Variants in VKORC1L1 observed in about 807,000 individuals in gnomAD.
The protein encoded by VKORC1L1 is vitamin K epoxide reductase complex subunit 1L1.
A neutral mutation model predicts 18.9 loss-of-function variants in VKORC1L1; 2 were observed. The ratio of observed to expected loss-of-function variants is 0.11; its 90% CI spans 0.04 to 0.33. VKORC1L1 has a LOEUF of 0.33. Ranked by LOEUF, VKORC1L1 falls within the 10% of genes least tolerant of loss-of-function variation. The pLI is 1.00. For synonymous variants in VKORC1L1, 96 were observed against 100.0 expected (o/e 0.96, Z 0.24); for missense variants, 123 against 224.1 (o/e 0.55, Z 2.88).
rs866579578 is a variant in VKORC1L1 at position 65,958,704 on chromosome 7, T to C, written c.*4404T>C. The C allele has an allele frequency of 1.1e-4, 16 of 152,208 alleles. No homozygotes were observed. Among genetic ancestry groups the C allele is most frequent in the Admixed American group, 3.3e-4 (5 of 15,270 alleles). The allele number at this position is 152,208 out of a possible 1,614,324, so 9.4% of individuals were successfully genotyped here. A position where few individuals can be genotyped will look rare whatever the true frequency, so the allele number is the denominator to read the frequency against. Reference sequence around the variant, plus strand: ...TTGATTCTTTTTCTCTTAAATCATATGTAACTTGCAGAAGATTCAGAGTCC... The same window carrying C: ...TTGATTCTTTTTCTCTTAAATCATACGTAACTTGCAGAAGATTCAGAGTCC... On this transcript the variant is annotated 3_prime_UTR_variant, in exon 3 of 3. Transcript: ENST00000360768.
chr7:65,875,506 C>T (rs1489625629), intron 1 of VKORC1L1, among the ~76,000 whole-genome samples: 1 of 152,056 alleles, frequency 6.6e-6, no homozygotes, highest in African/African-American at 2.4e-5. Flanking sequence ...CAACCTCCAC[C>T]TCCCGGGTTC....
At chr7:65,904,829 A>C (rs1183421826) in intron 1 of VKORC1L1, among the ~76,000 whole-genome samples, 1 of 152,198 alleles carries the variant, frequency 6.6e-6, no homozygotes, top group Non-Finnish European at 1.5e-5. Context: ...AAAATACAAG[A>C]GAAGATAAAA....
rs1788760441 is a variant in VKORC1L1 at position 65,873,297 on chromosome 7, G to GGCCGCGGCA, written c.-73_-72insCGCGGCAGC. On this transcript the variant is annotated 5_prime_UTR_variant, in exon 1 of 3. Transcript: ENST00000360768. Reference sequence around the variant, plus strand: ...CGGAGGCGGCGGTGGCGGCGGTGGCGGCTGGGTCGGGCCCCGACGGGCGGC... The same window carrying GGCCGCGGCA: ...CGGAGGCGGCGGTGGCGGCGGTGGCGGCCGCGGCAGCTGGGTCGGGCCCCGACGGGCGGC... 2 of 1,092,176 alleles carry GGCCGCGGCA rather than the reference G, an allele frequency of 1.8e-6. No individual in the cohort carries two copies. Among genetic ancestry groups the GGCCGCGGCA allele is most frequent in the South Asian group, 3.9e-5 (1 of 25,642 alleles). The allele number at this position is 1,092,176 out of a possible 1,614,324, so 67.7% of individuals were successfully genotyped here.
At chr7:65,907,374 G>T (rs569184003) in intron 1 of VKORC1L1, among the ~76,000 whole-genome samples, 22 of 152,112 alleles carry the variant, frequency 1.4e-4, no homozygotes, top group Non-Finnish European at 2.9e-4. Context: ...GGAGTCGGAG[G>T]TTGCAGTGAG....
intron 1 of VKORC1L1, among the ~76,000 whole-genome samples, chr7:65,890,124 ATTT>A (rs35228954): frequency 1.9e-4 from 17 of 90,458 alleles, no homozygotes; most frequent in South Asian, 4.3e-4. Flanking sequence ...CACCTGGGTA[ATTT>A]TTTTTTTTTT....
chr7:65,920,442 T>C (rs1305280136), intron 1 of VKORC1L1, among the ~76,000 whole-genome samples: 1 of 152,194 alleles, frequency 6.6e-6, no homozygotes, highest in Non-Finnish European at 1.5e-5. Context: ...TGCTGAATGA[T>C]CCTTCTCCTC....
chr7:65,918,788 A>G (rs1789628818), intron 1 of VKORC1L1, among the ~76,000 whole-genome samples: 1 of 152,222 alleles, frequency 6.6e-6, no homozygotes, highest in Non-Finnish European at 1.5e-5. Flanking sequence ...AGGCAAAGGA[A>G]GATTCTTTAA....
In VKORC1L1 at chr7:65,919,335, T is replaced by C. The variant is rs973658440; in HGVS notation, c.195-29336T>C. Among the ~76,000 whole-genome samples the C allele has an allele frequency of 1.2e-4, 18 of 152,200 alleles. 1 individual carries two copies. Among genetic ancestry groups the C allele is most frequent in the Admixed American group, 9.8e-4 (15 of 15,272 alleles). ...CTATATGCTGACCACTCCAAAATTTTTATTTCTAACTTAACTTGCAAATTC... is the reference window on the plus strand; with the variant it reads ...CTATATGCTGACCACTCCAAAATTTCTATTTCTAACTTAACTTGCAAATTC... On this transcript the variant is annotated intron_variant, in intron 1 of 2. Coordinates refer to ENST00000360768, the MANE Select transcript of VKORC1L1 (RefSeq NM_173517.6).
chr7:65,936,844 G>A (rs1365070294), intron 1 of VKORC1L1, among the ~76,000 whole-genome samples: 1 of 152,146 alleles, frequency 6.6e-6, no homozygotes, highest in East Asian at 1.9e-4. Flanking sequence ...ACAGTTCCAT[G>A]TGACTGGCTT....
At chr7:65,908,012 T>G (rs1433162973) in intron 1 of VKORC1L1, among the ~76,000 whole-genome samples, 1 of 152,188 alleles carries the variant, frequency 6.6e-6, no homozygotes, top group African/African-American at 2.4e-5. Context: ...GTCAGATCTG[T>G]TAACTCCTTT....
At chr7:65,933,401 C>T (rs1462701782) in intron 1 of VKORC1L1, among the ~76,000 whole-genome samples, 1 of 152,002 alleles carries the variant, frequency 6.6e-6, no homozygotes, top group East Asian at 1.9e-4. Flanking sequence ...TGGTAAGTTC[C>T]CTTGTCCTGG....
chr7:65,867,430 CA>C, the VKORC1L1 span, among the ~76,000 whole-genome samples: 1 of 151,948 alleles, frequency 6.6e-6, no homozygotes, highest in African/African-American at 2.4e-5. Flanking sequence ...TATATAACCC[CA>C]AAACTTTGGG....
At chr7:65,910,169 ACT>A (rs1789480440) in intron 1 of VKORC1L1, among the ~76,000 whole-genome samples, 2 of 152,220 alleles carry the variant, frequency 1.3e-5, no homozygotes, top group Admixed American at 6.5e-5. Flanking sequence ...TTGCAGAAGC[ACT>A]GAGTCTGTTC....
intron 1 of VKORC1L1, among the ~76,000 whole-genome samples, chr7:65,879,086 C>T (rs372181966): frequency 8.5e-5 from 13 of 152,096 alleles, no homozygotes; most frequent in African/African-American, 2.9e-4. Context: ...CAAACATCCA[C>T]GTGACCATAT....
At chr7:65,926,400 C>T (rs1369365011) in intron 1 of VKORC1L1, among the ~76,000 whole-genome samples, 5 of 152,058 alleles carry the variant, frequency 3.3e-5, no homozygotes, top group Admixed American at 2.0e-4. Context: ...GTGATCTGCC[C>T]GCCTCAGCCT....
intron 1 of VKORC1L1, among the ~76,000 whole-genome samples, chr7:65,898,003 G>A (rs1035625541): frequency 3.6e-4 from 52 of 143,790 alleles, no homozygotes; most frequent in Non-Finnish European, 5.0e-4. Flanking sequence ...ACAAAAACTT[G>A]TGCAAAACCT....
intron 1 of VKORC1L1, among the ~76,000 whole-genome samples, chr7:65,944,578 T>A (rs1373909700): frequency 1.3e-5 from 2 of 152,078 alleles, no homozygotes; most frequent in African/African-American, 4.8e-5. Flanking sequence ...GTGCTCACTT[T>A]GTGTATATGC....
chr7:65,875,308 T>C (rs1330693804), intron 1 of VKORC1L1, among the ~76,000 whole-genome samples: 1 of 152,208 alleles, frequency 6.6e-6, no homozygotes, highest in Admixed American at 6.5e-5. Flanking sequence ...AAATCACATA[T>C]GTATATATAC....
At chr7:65,912,274 T>C (rs147977459) in intron 1 of VKORC1L1, among the ~76,000 whole-genome samples, 49 of 152,364 alleles carry the variant, frequency 3.2e-4, no homozygotes, top group African/African-American at 1.2e-3. Flanking sequence ...CGTAAATGTT[T>C]CTGAGGTGTG....
Sources: gnomAD v4.1 joint callset for allele counts (sites outside exome capture counted in the v4.1 genomes callset) on GRCh38, gnomAD v4.1.1 for gene constraint, MANE v1.5 for transcripts, NCBI Gene and HGNC (gene_info 2026-07-23, HGNC 2026-07-21) for gene names.